CAMK2D: variants seen among roughly 807,000 people sequenced by gnomAD.
CAMK2D encodes calcium/calmodulin dependent protein kinase II delta, also known as calcium/calmodulin-dependent protein kinase type II subunit delta.
CAMK2D carries 37 observed loss-of-function variants against 84.0 expected under a neutral mutation model. The ratio of observed to expected loss-of-function variants is 0.44; its 90% CI spans 0.34 to 0.58. CAMK2D has a LOEUF of 0.58. Ranked by LOEUF, CAMK2D falls within the 20% of genes least tolerant of loss-of-function variation. The pLI, the probability that CAMK2D is intolerant of heterozygous loss-of-function variation, is 0.02. For missense variants in CAMK2D, 448 were observed against 652.5 expected, an observed-to-expected ratio of 0.69 and a Z score of 3.41; for synonymous variants, 202 against 212.5, an observed-to-expected ratio of 0.95 and a Z score of 0.43.
At position 113,761,611 on chromosome 4, in the gene CAMK2D, A is replaced by C; in HGVS notation, c.-543T>G. 1 of 984,998 alleles carries C rather than the reference A, an allele frequency of 1.0e-6. No individual in the cohort carries two copies. Among genetic ancestry groups the C allele is most frequent in the South Asian group, 4.7e-5 (1 of 21,284 alleles). The allele number at this position is 984,998 out of a possible 1,614,324, so 61.0% of individuals were successfully genotyped here. A position where few individuals can be genotyped will look rare whatever the true frequency, so the allele number is the denominator to read the frequency against. The stretch of plus-strand genomic sequence containing the variant: ...AGGCGCGGGGCGCGCCGGGGCTCCG[A>C]CGAGCGTGCGCGCCCGAGGCCGGCT... On this transcript the variant is annotated 5_prime_UTR_variant, in exon 1 of 21. Coordinates refer to ENST00000511664, the MANE Select transcript of CAMK2D (RefSeq NM_001321571.2).
At chr4:113,678,105 T>C (rs55695338) in intron 2 of CAMK2D, among the ~76,000 whole-genome samples, 27,840 of 152,064 alleles carry the variant, frequency 0.18, 3,037 homozygotes, top group South Asian at 0.32. Context: ...AAAATACCCT[T>C]TTTGTAAGAG....
intron 5 of CAMK2D, among the ~76,000 whole-genome samples, chr4:113,549,399 T>A (rs186309405): frequency 6.6e-6 from 1 of 152,162 alleles, no homozygotes; most frequent in East Asian, 1.9e-4. Flanking sequence ...AATAAATAAA[T>A]ACAAATTTAC....
At chr4:113,738,266 A>G (rs908870852) in intron 2 of CAMK2D, among the ~76,000 whole-genome samples, 2 of 151,914 alleles carry the variant, frequency 1.3e-5, no homozygotes, top group African/African-American at 4.8e-5. Context: ...ATAAACTCCT[A>G]TCTATAAAAT....
chr4:113,679,832 A>G (rs916114890), intron 2 of CAMK2D, among the ~76,000 whole-genome samples: 8 of 152,206 alleles, frequency 5.3e-5, no homozygotes, highest in Admixed American at 3.3e-4. Context: ...CTATTTAAGA[A>G]AGAATAAGAA....
intron 16 of CAMK2D, among the ~76,000 whole-genome samples, chr4:113,472,184 A>T (rs1564469812): frequency 1.3e-5 from 2 of 152,232 alleles, no homozygotes; most frequent in African/African-American, 4.8e-5. Context: ...ACCAGTTTAT[A>T]GTCTGAACAC....
intron 6 of CAMK2D, among the ~76,000 whole-genome samples, chr4:113,546,605 C>A (rs953687712): frequency 1.3e-5 from 2 of 152,124 alleles, no homozygotes; most frequent in Non-Finnish European, 2.9e-5. Context: ...CCAGAAAAGT[C>A]TGCACGTGAG....
intron 13 of CAMK2D, chr4:113,508,270 T>C (rs1367310584): frequency 6.5e-7 from 1 of 1,544,084 alleles, no homozygotes; most frequent in Non-Finnish European, 8.8e-7. Context: ...CTTCCTTTTC[T>C]GAATTGACCA....
chr4:113,707,238 C>G (rs1053541207), intron 2 of CAMK2D, among the ~76,000 whole-genome samples: 3 of 152,060 alleles, frequency 2.0e-5, no homozygotes, highest in African/African-American at 7.2e-5. Context: ...CTATCCATGC[C>G]CAGTTATGAT....
chr4:113,707,656 T>C (rs1243189708), intron 2 of CAMK2D, among the ~76,000 whole-genome samples: 1 of 152,200 alleles, frequency 6.6e-6, no homozygotes, highest in Non-Finnish European at 1.5e-5. Context: ...TCAAGACAAA[T>C]ATACTAAAAT....
At chr4:113,693,473 C>A (rs1019453068) in intron 2 of CAMK2D, among the ~76,000 whole-genome samples, 1 of 152,118 alleles carries the variant, frequency 6.6e-6, no homozygotes, top group African/African-American at 2.4e-5. Flanking sequence ...CCAAATACTC[C>A]TCAAACTCTG....
At chr4:113,589,304 C>T (rs551680291) in intron 4 of CAMK2D, among the ~76,000 whole-genome samples, 6 of 152,034 alleles carry the variant, frequency 3.9e-5, no homozygotes, top group Non-Finnish European at 5.9e-5. Flanking sequence ...ATCCAGCAAG[C>T]GATGATAATG....
chr4:113,457,190 C>T, intron 19 of CAMK2D, 145 bp downstream of exon 19: 1 of 1,447,382 alleles, frequency 6.9e-7, no homozygotes, highest in South Asian at 1.5e-5. Context: ...GAATCATAAA[C>T]CTTTCCCGTG....
chr4:113,452,032 C>T lies in CAMK2D; in HGVS notation c.*2513G>A, dbSNP rs1298857937. 3 of 151,820 alleles carry T rather than the reference C, an allele frequency of 2.0e-5. No homozygotes were observed. The highest frequency in any genetic ancestry group is 7.3e-5 in the African/African-American group (3 of 41,310). The allele number at this position is 151,820 out of a possible 1,614,324, so 9.4% of individuals were successfully genotyped here. A position where few individuals can be genotyped will look rare whatever the true frequency, so the allele number is the denominator to read the frequency against. ...TAGCAAATCAAAAGAAGCTGAGCAT[C>T]CATGTATGCTCAAGTTCAAGCTGGG... is the stretch of plus-strand genomic sequence containing the variant. On this transcript the variant is annotated 3_prime_UTR_variant, in exon 21 of 21. Coordinates refer to ENST00000511664, the MANE Select transcript of CAMK2D (RefSeq NM_001321571.2).
chr4:113,522,829 G>A (rs553596444), intron 8 of CAMK2D, among the ~76,000 whole-genome samples: 7 of 152,226 alleles, frequency 4.6e-5, no homozygotes, highest in East Asian at 1.9e-4. Flanking sequence ...TAAAATGTCC[G>A]CATGTCTGAC....
intron 3 of CAMK2D, 63 bp from the exon 4 acceptor site, chr4:113,609,269 C>T (rs1290200322): frequency 2.4e-6 from 2 of 845,620 alleles, no homozygotes; most frequent in Non-Finnish European, 2.1e-6. Context: ...CGTTAAACCC[C>T]ACTTCACATG....
chr4:113,487,742 T>C (rs905879724), intron 16 of CAMK2D, among the ~76,000 whole-genome samples: 4 of 152,034 alleles, frequency 2.6e-5, no homozygotes, highest in African/African-American at 7.2e-5. Context: ...CCTAAAACTG[T>C]AGCAGTGTAT....
intron 2 of CAMK2D, among the ~76,000 whole-genome samples, chr4:113,731,440 C>T (rs1220655220): frequency 1.3e-5 from 2 of 152,094 alleles, no homozygotes; most frequent in Admixed American, 1.3e-4. Flanking sequence ...TCTAAAGAAT[C>T]AAAAATTAAT....
chr4:113,645,868 T>TCAAATGTG (rs2099149810), intron 3 of CAMK2D, among the ~76,000 whole-genome samples: 1 of 152,180 alleles, frequency 6.6e-6, no homozygotes, highest in Non-Finnish European at 1.5e-5. Context: ...CAAAGATGAT[T>TCAAATGTG]CAAATGCTGC....
At chr4:113,534,319 G>A (rs1001720613) in intron 7 of CAMK2D, among the ~76,000 whole-genome samples, 3 of 152,012 alleles carry the variant, frequency 2.0e-5, no homozygotes, top group Admixed American at 6.6e-5. Flanking sequence ...ATGAAGATTC[G>A]CTTGAACTTG....
Sources: gnomAD v4.1 joint callset for allele counts (sites outside exome capture counted in the v4.1 genomes callset) on GRCh38, gnomAD v4.1.1 for gene constraint, MANE v1.5 for transcripts, NCBI Gene and HGNC (gene_info 2026-07-23, HGNC 2026-07-21) for gene names.